Variants in FBXL18 observed in about 807,000 individuals in gnomAD.
FBXL18 encodes the protein F-box and leucine rich repeat protein 18, also known as F-box/LRR-repeat protein 18.
A neutral mutation model predicts 46.0 loss-of-function variants in FBXL18; 36 were observed. The ratio of observed to expected loss-of-function variants is 0.78; its 90% CI spans 0.60 to 1.03. FBXL18 has a LOEUF of 1.03. Ranked by LOEUF, FBXL18 falls within the 50% of genes least tolerant of loss-of-function variation. The probability of loss-of-function intolerance (pLI) is 0.00; values close to 1 mark genes in which losing one functional copy is unlikely to be tolerated. For synonymous variants in FBXL18, 557 were observed against 465.3 expected (o/e 1.20, Z -2.54); for missense variants, 977 against 1,004.1 (o/e 0.97, Z 0.36).
chr7:5,513,439 G>A (rs1784592349), intron 1 of FBXL18, among the ~76,000 whole-genome samples: 1 of 152,180 alleles, frequency 6.6e-6, no homozygotes, highest in Non-Finnish European at 1.5e-5. Flanking sequence ...CGAGCGAAGG[G>A]GGAGACAGCT....
At chr7:5,508,397 C>T (rs977568268) in intron 1 of FBXL18, among the ~76,000 whole-genome samples, 5 of 150,510 alleles carry the variant, frequency 3.3e-5, no homozygotes, top group African/African-American at 9.8e-5. Flanking sequence ...AAGCCGAGAT[C>T]GCACCATTGC....
At chr7:5,508,318 G>A (rs576645117) in intron 1 of FBXL18, among the ~76,000 whole-genome samples, 5 of 151,090 alleles carry the variant, frequency 3.3e-5, no homozygotes, top group Admixed American at 1.3e-4. Context: ...CTGGTGGCGG[G>A]CACCTGTAAT....
chr7:5,471,178 T>G (rs143040560), downstream of FBXL18, among the ~76,000 whole-genome samples: 2,826 of 152,276 alleles, frequency 0.019, 48 homozygotes, highest in Middle Eastern at 0.031. Flanking sequence ...ACGCCCGCAA[T>G]AAATCAGCCG....
At chr7:5,456,430 T>C (rs999108992) in intron 4 of FBXL18, among the ~76,000 whole-genome samples, 17 of 152,238 alleles carry the variant, frequency 1.1e-4, no homozygotes, top group African/African-American at 4.1e-4. Flanking sequence ...ACCCCTCATC[T>C]CACGCGGTCA....
At chr7:5,505,319 A>G (rs1784366578) in intron 2 of FBXL18, 93 bp downstream of exon 2, 1 of 1,197,326 alleles carries the variant, frequency 8.4e-7, no homozygotes, top group East Asian at 2.5e-5. Flanking sequence ...CCACCTTTAT[A>G]TCAGCACACA....
At chr7:5,474,722 A>ATTTATTTT, downstream of FBXL18, among the ~76,000 whole-genome samples, 1 of 139,896 alleles carries the variant, frequency 7.1e-6, no homozygotes, top group African/African-American at 2.6e-5. Context: ...TTATTTATTT[A>ATTTATTTT]TTTGAGACAG....
intron 1 of FBXL18, among the ~76,000 whole-genome samples, chr7:5,509,036 T>A (rs1784462797): frequency 6.6e-6 from 1 of 151,330 alleles, no homozygotes; most frequent in African/African-American, 2.4e-5. Flanking sequence ...CCACTAAAAA[T>A]ACAAAACTTA....
chr7:5,483,911 C>T (rs1009496953), intron 4 of FBXL18, among the ~76,000 whole-genome samples: 3 of 152,130 alleles, frequency 2.0e-5, no homozygotes, highest in Admixed American at 1.3e-4. Context: ...TCCAGCCTCT[C>T]GCTGTGACCC....
At chr7:5,475,227 CAG>C (rs1783490636), downstream of FBXL18, among the ~76,000 whole-genome samples, 1 of 151,922 alleles carries the variant, frequency 6.6e-6, no homozygotes, top group Non-Finnish European at 1.5e-5. This position sits in a 1 kb window ranked among gnomAD's most constrained non-coding sequence, Gnocchi z 4.2. Context: ...GAGGCTGAGG[CAG>C]GAGAATCGCT....
At chr7:5,493,935 A>AGT (rs1430829391) in intron 3 of FBXL18, among the ~76,000 whole-genome samples, 2 of 150,812 alleles carry the variant, frequency 1.3e-5, no homozygotes, top group African/African-American at 2.4e-5. Flanking sequence ...GGAGTTCGAC[A>AGT]CTGGCCAACA....
At position 5,481,793 on chromosome 7, in the gene FBXL18, C is replaced by A. The variant is rs200944822; in HGVS notation, c.2139G>T (p.Pro713=). The A allele has an allele frequency of 9.5e-5, 153 of 1,613,464 alleles. 1 individual carries two copies. In the African/African-American group the frequency reaches 1.7e-3, roughly 18 times the overall value. ...CCGCCTCTCACCACCACAGGTTCGG[C>A]GGTTCCTCGGCCACTCTGCTCTTAA... ...TLFKSRVAEE[P]PNLWW is the part of the protein sequence containing the mutation. Residue 713 remains proline (P), a synonymous_variant, in exon 5 of 5, where the codon CCG becomes CCT. Transcript: ENST00000382368.
downstream of FBXL18, among the ~76,000 whole-genome samples, chr7:5,475,109 A>C (rs1783489012): frequency 6.6e-6 from 1 of 150,904 alleles, no homozygotes; most frequent in African/African-American, 2.4e-5. The surrounding 1 kb of genome is among the most constrained non-coding windows in gnomAD (Gnocchi z 4.2). Flanking sequence ...ACTTGAGGTC[A>C]GGAGTTCGAG....
chr7:5,491,962 G>C (rs893369119), intron 3 of FBXL18, among the ~76,000 whole-genome samples: 10 of 151,842 alleles, frequency 6.6e-5, no homozygotes, highest in Non-Finnish European at 1.2e-4. Flanking sequence ...TGGGAGGCAG[G>C]GGGTAAGGTG....
chr7:5,505,509 T>C lies in FBXL18; in HGVS notation c.140A>G (p.Asp47Gly). 2 of 1,614,128 alleles carry C rather than the reference T, an allele frequency of 1.2e-6. No homozygotes were observed. Among genetic ancestry groups the C allele is most frequent in the Non-Finnish European group, 1.7e-6 (2 of 1,180,034 alleles). ...LHILSHVPSTDLILNVRRTCR... is the reference protein window; with the variant it reads ...LHILSHVPSTGLILNVRRTCR... ...GGTACGCCGGACGTTCAGAATCAGA[T>C]CTGTGCTGGGGACGTGACTCAGGAT... Residue 47 changes from aspartate to glycine, a missense_variant, in exon 2 of 5, where the codon GAT becomes GGT. Asp to Gly is a moderately conservative substitution (Grantham distance 94). Coordinates refer to ENST00000382368, the MANE Select transcript of FBXL18 (RefSeq NM_024963.6).
At chr7:5,464,917 G>T (rs992290714) in intron 4 of FBXL18, among the ~76,000 whole-genome samples, 2 of 151,694 alleles carry the variant, frequency 1.3e-5, no homozygotes, top group Non-Finnish European at 2.9e-5. Flanking sequence ...ATAAAAATTA[G>T]CCGGTTGTGG....
chr7:5,484,350 A>T (rs1222991108), intron 4 of FBXL18, among the ~76,000 whole-genome samples: 3 of 151,908 alleles, frequency 2.0e-5, no homozygotes, highest in Non-Finnish European at 4.4e-5. Context: ...GGGCGCCTGT[A>T]GTCCCAGCTA....
downstream of FBXL18, among the ~76,000 whole-genome samples, chr7:5,471,434 A>G (rs897052566): frequency 6.6e-5 from 10 of 151,794 alleles, no homozygotes; most frequent in East Asian, 1.9e-4. Flanking sequence ...CCGCCACCAC[A>G]CCCAGTTAAT....
At position 5,512,191 on chromosome 7, in the gene FBXL18, G is replaced by A. The variant is rs565417462; in HGVS notation, c.18+1466C>T. Reference sequence around the variant, plus strand: ...ACCCGGGAGGCGGAGCTTGCAATGAGCCGAGATCACGCCACTGCACTCCAC... The same window carrying A: ...ACCCGGGAGGCGGAGCTTGCAATGAACCGAGATCACGCCACTGCACTCCAC... On this transcript the variant is annotated intron_variant, in intron 1 of 4. Coordinates refer to ENST00000382368, the MANE Select transcript of FBXL18 (RefSeq NM_024963.6). 4.6e-4 allele frequency among the ~76,000 whole-genome samples: 68 copies of A among 149,222 alleles called. No individual in the cohort carries two copies. The South Asian group carries it at 0.013, about 29-fold the overall frequency.
At position 5,482,068 on chromosome 7, in the gene FBXL18, G is replaced by T. The variant is rs1783662488; in HGVS notation, c.2001-137C>A. On this transcript the variant is annotated intron_variant, in intron 4 of 4. Coordinates refer to ENST00000382368, the MANE Select transcript of FBXL18 (RefSeq NM_024963.6). ...TGGGGCTCCCAGACAGACCATGCCT[G>T]CCAGAGTCACCCTCTAAGTGCCTCA... The T allele has an allele frequency of 2.9e-6, 3 of 1,038,960 alleles. No homozygotes were observed. The African/African-American group carries it at 4.9e-5, about 17-fold the overall frequency. The allele number at this position is 1,038,960 out of a possible 1,614,324, so 64.4% of individuals were successfully genotyped here.
Sources: gnomAD v4.1 joint callset for allele counts (sites outside exome capture counted in the v4.1 genomes callset) on GRCh38, gnomAD v4.1.1 for gene constraint, Gnocchi (gnomAD v3.1) non-coding constraint, MANE v1.5 for transcripts, NCBI Gene and HGNC (gene_info 2026-07-23, HGNC 2026-07-21) for gene names.